FRMPD3: variants seen among roughly 807,000 people sequenced by gnomAD.
The protein encoded by FRMPD3 is FERM and PDZ domain-containing protein 3.
FRMPD3 carries 42 observed loss-of-function variants against 97.9 expected under a neutral mutation model. That is an observed-to-expected ratio of 0.43 (90% CI 0.34 to 0.55). The LOEUF is 0.55. Among genes scored for constraint, FRMPD3 ranks in the 20% least tolerant of loss-of-function variants. The pLI, the probability that FRMPD3 is intolerant of heterozygous loss-of-function variation, is 0.03. For synonymous variants in FRMPD3, 577 were observed against 581.1 expected (o/e 0.99, Z 0.10); for missense variants, 1,303 against 1,457.7 (o/e 0.89, Z 1.73).
intron 1 of FRMPD3, among the ~76,000 whole-genome samples, chrX:107,523,532 C>T: frequency 8.9e-6 from 1 of 112,121 alleles, no homozygotes; most frequent in Middle Eastern, 4.6e-3. Context: ...AGCTTCTCTG[C>T]CCCATCTTCT....
At chrX:107,549,884 G>A (rs1334405715) in intron 5 of FRMPD3, among the ~76,000 whole-genome samples, 165 bp from the exon 6 acceptor site, 1 of 110,694 alleles carries the variant, frequency 9.0e-6, no homozygotes, top group Non-Finnish European at 1.9e-5. Flanking sequence ...TTTGGTTCTG[G>A]TCCCCATGTA....
At chrX:107,514,943 G>T (rs1224059687) in intron 1 of FRMPD3, among the ~76,000 whole-genome samples, 1 of 111,703 alleles carries the variant, frequency 9.0e-6, no homozygotes, top group East Asian at 2.8e-4. Flanking sequence ...TCTGGCTTAA[G>T]TAATTAAAGA....
intron 1 of FRMPD3, among the ~76,000 whole-genome samples, chrX:107,504,252 C>CAAA (rs1921980108): frequency 8.9e-6 from 1 of 112,916 alleles, no homozygotes; most frequent in Non-Finnish European, 1.9e-5. Context: ...CGGGTGCTTT[C>CAAA]TGTTGCTCCC....
chrX:107,565,628 A>G (rs756925938), intron 12 of FRMPD3, among the ~76,000 whole-genome samples: 5 of 108,830 alleles, frequency 4.6e-5, no homozygotes, highest in Non-Finnish European at 7.7e-5. Flanking sequence ...CAGAGAGGTC[A>G]AGGCTGCAGT....
intron 1 of FRMPD3, among the ~76,000 whole-genome samples, chrX:107,473,689 A>T (rs1921122839): frequency 8.9e-6 from 1 of 112,141 alleles, no homozygotes; most frequent in Non-Finnish European, 1.9e-5. Context: ...CAACATACAC[A>T]CACTTTTCTC....
intron 4 of FRMPD3, chrX:107,545,409 T>C (rs1921540489): frequency 6.8e-6 from 1 of 146,353 alleles, no homozygotes; most frequent in South Asian, 2.3e-4. Context: ...CCTTTAGGTC[T>C]ATCTCACTGT....
chrX:107,575,097 C>G (rs896475226), intron 12 of FRMPD3, among the ~76,000 whole-genome samples: 1 of 112,194 alleles, frequency 8.9e-6, no homozygotes, highest in African/African-American at 3.2e-5. Context: ...AACCAGTTAA[C>G]CCCAGGACTA....
intron 3 of FRMPD3, among the ~76,000 whole-genome samples, chrX:107,531,926 G>A (rs1922986264): frequency 9.0e-6 from 1 of 111,504 alleles, no homozygotes; most frequent in African/African-American, 3.3e-5. Context: ...ATAACCTTGG[G>A]AGCCAGTGGA....
chrX:107,595,349 A>G (rs1239170427), intron 13 of FRMPD3, among the ~76,000 whole-genome samples: 2 of 110,197 alleles, frequency 1.8e-5, no homozygotes, highest in Non-Finnish European at 3.8e-5. Context: ...TTTGATTTCT[A>G]CTTGTGAATT....
chrX:107,488,377 C>T (rs1271732768), intron 1 of FRMPD3, among the ~76,000 whole-genome samples: 2 of 112,307 alleles, frequency 1.8e-5, no homozygotes, highest in Non-Finnish European at 3.8e-5. Context: ...CCAGATCTTG[C>T]AGGGGAGGCC....
chrX:107,563,339 C>T (rs962657485), intron 11 of FRMPD3, 139 bp downstream of exon 11: 8 of 443,375 alleles, frequency 1.8e-5, no homozygotes, highest in Admixed American at 8.6e-5. Flanking sequence ...CCTCCCTGGC[C>T]CTGCCTCTGC....
rs142070060 is a variant in FRMPD3, at chrX:107,512,115, C to T, written c.-7-14467C>T. ...AGCCTCCGGTGAGTGGGAAATTGGC[C>T]TAAGTCAGGAAGGTGTCCTGGGTCT... On this transcript the variant is annotated intron_variant, in intron 1 of 14. Transcript: ENST00000683843. Among the ~76,000 whole-genome samples, 260 of 110,575 alleles carry T rather than the reference C, an allele frequency of 2.4e-3. 2 individuals carry two copies. The highest frequency in any genetic ancestry group is 8.2e-3 in the African/African-American group (248 of 30,330).
chrX:107,483,137 T>C (rs1178977318), intron 1 of FRMPD3, among the ~76,000 whole-genome samples: 2 of 111,627 alleles, frequency 1.8e-5, no homozygotes, highest in African/African-American at 6.5e-5. Flanking sequence ...GGCTACCATA[T>C]ATAGTTGTGC....
chrX:107,581,787 C>T (rs750707608), intron 13 of FRMPD3, among the ~76,000 whole-genome samples: 3 of 111,847 alleles, frequency 2.7e-5, no homozygotes, highest in Non-Finnish European at 5.6e-5. Flanking sequence ...GCTTTTTTCA[C>T]CTAGCATGTT....
intron 12 of FRMPD3, among the ~76,000 whole-genome samples, chrX:107,569,378 G>C (rs888922097): frequency 2.7e-5 from 3 of 109,744 alleles, no homozygotes; most frequent in Middle Eastern, 4.7e-3. Flanking sequence ...GCATGTTAGG[G>C]GAGTACAGGG....
chrX:107,572,346 T>C lies in FRMPD3; in HGVS notation c.1297-3969T>C, dbSNP rs1009094537. Among the ~76,000 whole-genome samples, 5 of 111,874 alleles carry C rather than the reference T, an allele frequency of 4.5e-5. No individual in the cohort carries two copies. The East Asian group carries it at 1.4e-3, about 31-fold the overall frequency. On this transcript the variant is annotated intron_variant, in intron 12 of 14. Coordinates refer to ENST00000683843, the MANE Select transcript of FRMPD3 (RefSeq NM_001388459.1). ...GGGAGGGGAGCACCAGTGGAGTTAA[T>C]GGGAGATATGGTTGGAGATGGAGGT... is the stretch of plus-strand genomic sequence containing the variant.
At chrX:107,536,332 G>C (rs1043594556) in intron 4 of FRMPD3, among the ~76,000 whole-genome samples, 2 of 111,017 alleles carry the variant, frequency 1.8e-5, no homozygotes, top group African/African-American at 6.6e-5. Context: ...CTCCAGCCTG[G>C]GCAATAGAGC....
At chrX:107,571,533 T>C in intron 12 of FRMPD3, among the ~76,000 whole-genome samples, 1 of 112,067 alleles carries the variant, frequency 8.9e-6, no homozygotes, top group Non-Finnish European at 1.9e-5. Flanking sequence ...GGGGTTGTGC[T>C]TGGCCCTCTC....
At chrX:107,585,477 A>G (rs1253874863) in intron 13 of FRMPD3, among the ~76,000 whole-genome samples, 1 of 111,666 alleles carries the variant, frequency 9.0e-6, no homozygotes, top group Non-Finnish European at 1.9e-5. Flanking sequence ...TTCCAATACT[A>G]TGTTGAATAG....
Sources: gnomAD v4.1 joint callset for allele counts (sites outside exome capture counted in the v4.1 genomes callset) on GRCh38, gnomAD v4.1.1 for gene constraint, MANE v1.5 for transcripts, NCBI Gene and HGNC (gene_info 2026-07-23, HGNC 2026-07-21) for gene names.